Variants in HTR1F observed in about 807,000 individuals in gnomAD.
HTR1F encodes 5-hydroxytryptamine (serotonin) receptor 1F, G protein-coupled.
Under a neutral mutation model 24.0 loss-of-function variants are expected in HTR1F, and 17 were observed. That is an observed-to-expected ratio of 0.71 (90% confidence interval 0.48 to 1.06). The LOEUF is 1.06. Ranked by LOEUF, HTR1F falls within the 50% of genes least tolerant of loss-of-function variation. The probability of loss-of-function intolerance (pLI) is 0.00; values close to 1 mark genes in which losing one functional copy is unlikely to be tolerated. For synonymous variants in HTR1F, 186 were observed against 156.8 expected, an observed-to-expected ratio of 1.19 and a Z score of -1.39; for missense variants, 391 against 427.8, an observed-to-expected ratio of 0.91 and a Z score of 0.76.
intron 2 of HTR1F, among the ~76,000 whole-genome samples, chr3:87,929,657 A>G (rs1704213711): frequency 6.6e-6 from 1 of 152,108 alleles, no homozygotes; most frequent in Non-Finnish European, 1.5e-5. Context: ...CCATTGGTCT[A>G]TGTGTCTGTT....
At chr3:87,804,759 T>C (rs1025314412) in intron 1 of HTR1F, among the ~76,000 whole-genome samples, 1 of 152,116 alleles carries the variant, frequency 6.6e-6, no homozygotes, top group Non-Finnish European at 1.5e-5. Flanking sequence ...ATTGATAATA[T>C]GTAATTTTAA....
intron 2 of HTR1F, among the ~76,000 whole-genome samples, chr3:87,959,639 A>T (rs2107476231): frequency 6.6e-6 from 1 of 152,068 alleles, no homozygotes; most frequent in Middle Eastern, 3.4e-3. Flanking sequence ...CAAATATGAA[A>T]TGTAAAAAGT....
chr3:87,817,559 A>T (rs974215968), intron 1 of HTR1F, among the ~76,000 whole-genome samples: 65 of 152,136 alleles, frequency 4.3e-4, no homozygotes, highest in African/African-American at 1.5e-3. Context: ...GGAATACTAC[A>T]CTTGTTGCAT....
chr3:87,849,949 C>T (rs149179423), intron 2 of HTR1F, among the ~76,000 whole-genome samples: 23,662 of 151,782 alleles, frequency 0.16, 2,237 homozygotes, highest in African/African-American at 0.24. Context: ...ATTAAAAAGT[C>T]AGGAAACAAC....
At chr3:87,872,330 CTT>C (rs1705576676) in intron 2 of HTR1F, among the ~76,000 whole-genome samples, 5 of 152,158 alleles carry the variant, frequency 3.3e-5, no homozygotes, top group African/African-American at 1.2e-4. Context: ...AACAACCTGA[CTT>C]ATTTTCTATG....
intron 1 of HTR1F, among the ~76,000 whole-genome samples, chr3:87,806,621 TG>T (rs1267534083): frequency 1.3e-5 from 2 of 152,122 alleles, no homozygotes; most frequent in African/African-American, 4.8e-5. Flanking sequence ...TTCACTCTGC[TG>T]ATTATTGCTT....
intron 2 of HTR1F, among the ~76,000 whole-genome samples, chr3:87,987,740 A>G (rs1705701006): frequency 1.4e-5 from 2 of 140,324 alleles, no homozygotes; most frequent in East Asian, 2.0e-4. Context: ...TATTTTATAT[A>G]TATAAAATAT....
chr3:87,868,119 T>C (rs1445823431), intron 2 of HTR1F, among the ~76,000 whole-genome samples: 1 of 152,114 alleles, frequency 6.6e-6, no homozygotes, highest in African/African-American at 2.4e-5. Context: ...ATTCATCAAA[T>C]AAAATATGTA....
At chr3:87,982,349 A>G (rs1429982266) in intron 2 of HTR1F, among the ~76,000 whole-genome samples, 3 of 152,246 alleles carry the variant, frequency 2.0e-5, no homozygotes, top group Non-Finnish European at 4.4e-5. Context: ...TAGTCTAAGA[A>G]TAGTCTGAAA....
At chr3:87,961,012 A>G (rs1264744037) in intron 2 of HTR1F, among the ~76,000 whole-genome samples, 1 of 152,014 alleles carries the variant, frequency 6.6e-6, no homozygotes. Context: ...ACACACACAC[A>G]CACACACACA....
intron 2 of HTR1F, among the ~76,000 whole-genome samples, chr3:87,837,998 T>C (rs774681040): frequency 2.6e-5 from 4 of 152,018 alleles, no homozygotes; most frequent in Non-Finnish European, 4.4e-5. Context: ...GGATACTATA[T>C]GGAAATAATA....
intron 2 of HTR1F, among the ~76,000 whole-genome samples, chr3:87,974,233 CAACTAT>C (rs1011447786): frequency 1.3e-5 from 2 of 152,180 alleles, no homozygotes; most frequent in African/African-American, 2.4e-5. Context: ...GTCTTAACAA[CAACTAT>C]ATTATTCATC....
At chr3:87,872,903 A>G (rs538043174) in intron 2 of HTR1F, among the ~76,000 whole-genome samples, 2 of 152,218 alleles carry the variant, frequency 1.3e-5, no homozygotes, top group South Asian at 4.1e-4. Context: ...ACTCTCCAAA[A>G]AATTGGGAGG....
At chr3:87,976,976 T>C (rs550318956) in intron 2 of HTR1F, among the ~76,000 whole-genome samples, 14 of 152,300 alleles carry the variant, frequency 9.2e-5, no homozygotes, top group East Asian at 1.9e-4. Flanking sequence ...CCATAAACTT[T>C]CAAAATTTCC....
chr3:87,835,281 C>T (rs1704659707), intron 2 of HTR1F, among the ~76,000 whole-genome samples: 1 of 149,974 alleles, frequency 6.7e-6, no homozygotes, highest in South Asian at 2.1e-4. Context: ...CCAAGACCCC[C>T]CCGCAAACCC....
intron 1 of HTR1F, among the ~76,000 whole-genome samples, chr3:87,795,503 A>G (rs908665204): frequency 6.6e-6 from 1 of 152,100 alleles, no homozygotes; most frequent in African/African-American, 2.4e-5. Flanking sequence ...TCCAATATGA[A>G]AGGTGGACGG....
At chr3:87,843,585 T>C (rs1472850446) in intron 2 of HTR1F, among the ~76,000 whole-genome samples, 47 of 151,454 alleles carry the variant, frequency 3.1e-4, no homozygotes, top group Admixed American at 9.2e-4. Context: ...TTGTGCAGGT[T>C]AGTTACATAT....
At chr3:87,975,288 C>CA (rs201445346) in intron 2 of HTR1F, among the ~76,000 whole-genome samples, 11 of 150,906 alleles carry the variant, frequency 7.3e-5, no homozygotes, top group South Asian at 2.1e-4. Flanking sequence ...ATCCAAATCT[C>CA]AAAAAAAAAT....
intron 2 of HTR1F, among the ~76,000 whole-genome samples, chr3:87,911,867 C>T (rs961862879): frequency 6.6e-6 from 1 of 152,066 alleles, no homozygotes; most frequent in Non-Finnish European, 1.5e-5. Context: ...AATTCAACTT[C>T]CTTTCATGTT....
Sources: allele counts gnomAD v4.1 joint callset (sites outside exome capture counted in the v4.1 genomes callset), GRCh38; gene constraint gnomAD v4.1.1; transcripts MANE v1.5; gene names NCBI Gene and HGNC (gene_info 2026-07-23, HGNC 2026-07-21).